The following IGBP1 variants were observed in gnomAD, a reference collection of about 807,000 sequenced individuals.
The protein encoded by IGBP1 is immunoglobulin-binding protein 1.
Under a neutral mutation model 25.9 loss-of-function variants are expected in IGBP1, and 2 were observed. That is an observed-to-expected ratio of 0.08 (90% CI 0.03 to 0.24). IGBP1 has a LOEUF of 0.24. Ranked by LOEUF, IGBP1 falls within the 10% of genes least tolerant of loss-of-function variation. The probability of loss-of-function intolerance (pLI) is 1.00; values close to 1 mark genes in which losing one functional copy is unlikely to be tolerated. For missense variants in IGBP1, 187 were observed against 260.4 expected, an observed-to-expected ratio of 0.72 and a Z score of 1.94; for synonymous variants, 96 against 93.4, an observed-to-expected ratio of 1.03 and a Z score of -0.16.
chrX:70,151,280 G>A (rs1159901472), intron 6 of IGBP1, among the ~76,000 whole-genome samples: 2 of 110,803 alleles, frequency 1.8e-5, no homozygotes, highest in Non-Finnish European at 3.8e-5. Context: ...CTTAATAGAT[G>A]GAATATCTTA....
At chrX:70,149,223 C>T (rs1321000077) in intron 5 of IGBP1, among the ~76,000 whole-genome samples, 3 of 65,296 alleles carry the variant, frequency 4.6e-5, no homozygotes, top group African/African-American at 1.2e-4. Context: ...AGCGAGACTC[C>T]GTCTCAAAAA....
At chrX:70,148,463 G>T (rs1212289662) in intron 4 of IGBP1, 2 of 291,484 alleles carry the variant, frequency 6.9e-6, no homozygotes, top group Non-Finnish European at 6.1e-6. Flanking sequence ...ATGGAAGAGG[G>T]CTTTGGAATC....
At chrX:70,153,366 G>A (rs1569423816) in intron 6 of IGBP1, among the ~76,000 whole-genome samples, 3 of 112,284 alleles carry the variant, frequency 2.7e-5, no homozygotes, top group Non-Finnish European at 5.6e-5. Flanking sequence ...TACTCAAGTA[G>A]TGAAGAGCAG....
At chrX:70,160,975 A>AT (rs1326984254) in intron 6 of IGBP1, among the ~76,000 whole-genome samples, 1 of 111,392 alleles carries the variant, frequency 9.0e-6, no homozygotes, top group Non-Finnish European at 1.9e-5. Context: ...AAGAATTTAG[A>AT]TTTTTTTTAA....
At chrX:70,141,076 T>A (rs2085126384) in intron 3 of IGBP1, among the ~76,000 whole-genome samples, 1 of 110,686 alleles carries the variant, frequency 9.0e-6, no homozygotes, top group Non-Finnish European at 1.9e-5. Flanking sequence ...CTGGGTGCGG[T>A]CTCTCACACC....
chrX:70,147,765 C>T (rs1185962299), intron 4 of IGBP1, among the ~76,000 whole-genome samples: 9 of 112,001 alleles, frequency 8.0e-5, no homozygotes, highest in African/African-American at 2.9e-4. Context: ...TCTGCTGCCA[C>T]TTGTTCTTTG....
chrX:70,159,412 C>CG (rs1326874857), intron 6 of IGBP1, among the ~76,000 whole-genome samples: 1 of 111,376 alleles, frequency 9.0e-6, no homozygotes, highest in African/African-American at 3.3e-5. Context: ...AAAAGTTGCG[C>CG]GGGGGGAATC....
At chrX:70,160,211 T>G (rs1330404236) in intron 6 of IGBP1, among the ~76,000 whole-genome samples, 2 of 111,472 alleles carry the variant, frequency 1.8e-5, no homozygotes, top group Non-Finnish European at 3.8e-5. Flanking sequence ...CCTAAGCTCC[T>G]GGTCCTGGAG....
At position 70,160,470 on chromosome X, in the gene IGBP1, A is replaced by G. The variant is rs1358267434; in HGVS notation, c.872-5363A>G. Among the ~76,000 whole-genome samples, 4 of 112,233 alleles carry G rather than the reference A, an allele frequency of 3.6e-5. No homozygotes were observed. The East Asian group carries it at 1.1e-3, about 31-fold the overall frequency. On this transcript the variant is annotated intron_variant, in intron 6 of 6. Coordinates refer to ENST00000356413, the MANE Select transcript of IGBP1 (RefSeq NM_001551.3). ...GGAATAGCAGGTATTTAAGAAACTC[A>G]GAGGGAAAAAAATGTGAGCCAAGGA...
At chrX:70,157,176 A>G (rs1258072841) in intron 6 of IGBP1, among the ~76,000 whole-genome samples, 1 of 104,471 alleles carries the variant, frequency 9.6e-6, no homozygotes, top group Admixed American at 1.0e-4. Context: ...AACTCGAGCA[A>G]TGCTGAGATG....
intron 1 of IGBP1, 28 bp downstream of exon 1, chrX:70,133,568 A>G (rs751189739): frequency 7.2e-5 from 27 of 377,558 alleles, no homozygotes; most frequent in South Asian, 1.8e-4. Context: ...CTGGCTCCTA[A>G]AACGCACTCG....
chrX:70,143,667 T>G (rs1407561254), intron 3 of IGBP1, among the ~76,000 whole-genome samples: 4 of 99,954 alleles, frequency 4.0e-5, no homozygotes, highest in Non-Finnish European at 8.0e-5. Context: ...GTGATGAAGG[T>G]CTAAGACAGT....
chrX:70,158,564 A>G (rs988093916), intron 6 of IGBP1, among the ~76,000 whole-genome samples: 2 of 111,395 alleles, frequency 1.8e-5, no homozygotes, highest in African/African-American at 6.5e-5. Flanking sequence ...AATATAAAAC[A>G]CTGAACTGTT....
chrX:70,150,460 AG>A, intron 6 of IGBP1, 138 bp downstream of exon 6: 1 of 497,411 alleles, frequency 2.0e-6, no homozygotes, highest in Non-Finnish European at 3.7e-6. Flanking sequence ...GATTCTAGAC[AG>A]TACTATGTTT....
At chrX:70,157,903 G>A (rs1254899773) in intron 6 of IGBP1, among the ~76,000 whole-genome samples, 7 of 112,091 alleles carry the variant, frequency 6.2e-5, no homozygotes, top group South Asian at 3.7e-4. Context: ...TTTTCTACAC[G>A]TATGTTGCAC....
chrX:70,134,041 C>T lies in IGBP1; in HGVS notation c.94C>T (p.Pro32Ser), dbSNP rs747745949. 8.3e-7 allele frequency: 1 copy of T among 1,210,935 alleles called. No homozygotes were observed. The highest frequency in any genetic ancestry group is 1.1e-6 in the Non-Finnish European group (1 of 894,552). Residue 32 changes from proline to serine, a missense_variant, in exon 2 of 7, where the codon CCC (proline) becomes TCC (serine). Physicochemically the swap from Pro to Ser is moderately conservative, Grantham distance 74. Transcript: ENST00000356413. Reference sequence around the variant, plus strand: ...GGACGAAGTAGAAGTGGCGACTGAACCCGCCGGTTCCCGGATAGTCCAGGA... The same window carrying T: ...GGACGAAGTAGAAGTGGCGACTGAATCCGCCGGTTCCCGGATAGTCCAGGA... ...LLDEVEVATE[P>S]AGSRIVQEKV... is the part of the protein sequence containing the mutation.
chrX:70,139,199 A>G (rs1431500955), intron 3 of IGBP1, among the ~76,000 whole-genome samples: 1 of 109,950 alleles, frequency 9.1e-6, no homozygotes, highest in Non-Finnish European at 1.9e-5. Context: ...AATCTCAGGT[A>G]CTTGGGAGGC....
intron 3 of IGBP1, among the ~76,000 whole-genome samples, chrX:70,144,430 G>T (rs979260233): frequency 4.5e-5 from 5 of 111,023 alleles, no homozygotes; most frequent in African/African-American, 1.6e-4. Flanking sequence ...GAGGGTTGGG[G>T]ATAGGAGTGA....
At chrX:70,149,112 C>T (rs747041603) in intron 5 of IGBP1, 15 of 305,183 alleles carry the variant, frequency 4.9e-5, no homozygotes, top group South Asian at 2.8e-4. Flanking sequence ...CCTGTAATCC[C>T]GGCTACTGGG....
Sources: allele counts gnomAD v4.1 joint callset (sites outside exome capture counted in the v4.1 genomes callset), GRCh38; gene constraint gnomAD v4.1.1; transcripts MANE v1.5; gene names NCBI Gene and HGNC (gene_info 2026-07-23, HGNC 2026-07-21).